Variants in USP34 observed in about 807,000 individuals in gnomAD.
USP34 encodes the protein ubiquitin carboxyl-terminal hydrolase 34.
USP34 carries 70 observed loss-of-function variants against 460.3 expected under a neutral mutation model. The ratio of observed to expected loss-of-function variants is 0.15; its 90% CI spans 0.13 to 0.19. The LOEUF (loss-of-function observed/expected upper bound fraction) is 0.19, where lower values mean the gene tolerates loss of function less well. Among genes scored for constraint, USP34 ranks in the 10% least tolerant of loss-of-function variants. The probability of loss-of-function intolerance (pLI) is 1.00; values close to 1 mark genes in which losing one functional copy is unlikely to be tolerated. For synonymous variants in USP34, 1,647 were observed against 1,405.3 expected, an observed-to-expected ratio of 1.17 and a Z score of -3.85; for missense variants, 3,985 against 4,236.2, an observed-to-expected ratio of 0.94 and a Z score of 1.65.
chr2:61,212,104 G>A (rs1327579408), intron 68 of USP34, among the ~76,000 whole-genome samples, 175 bp from the exon 69 acceptor site: 2 of 152,126 alleles, frequency 1.3e-5, no homozygotes, highest in Non-Finnish European at 1.5e-5. Context: ...ATTTTGGCTG[G>A]GCGCAGTGGC....
chr2:61,294,010 G>C (rs1689941006), intron 32 of USP34, among the ~76,000 whole-genome samples: 1 of 147,888 alleles, frequency 6.8e-6, no homozygotes, highest in South Asian at 2.2e-4. Context: ...GTGAGACCCT[G>C]TCCTAAACAA....
At chr2:61,466,807 G>A (rs1455212608) in intron 1 of USP34, among the ~76,000 whole-genome samples, 1 of 151,694 alleles carries the variant, frequency 6.6e-6, no homozygotes, top group Non-Finnish European at 1.5e-5. Flanking sequence ...AGTTACTCAG[G>A]AGGCTGAGGC....
At chr2:61,189,266 T>G in intron 78 of USP34, 197 bp from the exon 79 acceptor site, 3 of 553,930 alleles carry the variant, frequency 5.4e-6, no homozygotes, top group Non-Finnish European at 8.8e-6. Flanking sequence ...GTTGTTTTTT[T>G]TTTTTGTTTT....
At position 61,214,465 on chromosome 2, in the gene USP34, C is replaced by A. The variant is rs1687347179; in HGVS notation, c.8277G>T (p.Met2759Ile). The change falls in exon 68 of 80, where the codon ATG becomes ATT. Residue 2759 changes from methionine (M) to isoleucine (I), a missense_variant. By Grantham distance (10) the Met-to-Ile change is conservative. Around this residue, in one of 14 missense-constraint regions of USP34, gnomAD observed 604 missense variants for 684.8 expected, o/e 0.88. Coordinates refer to ENST00000398571, the MANE Select transcript of USP34 (RefSeq NM_014709.4). The part of the protein sequence containing the change: ...TTKLVPYFSF[M>I]TYCLISKTEK... ...CAGTTTTGGAAATTAAACAGTAAGTCATAAAGCTAAAATAGGGCACTAGCT... is the reference window on the plus strand; with the variant it reads ...CAGTTTTGGAAATTAAACAGTAAGTAATAAAGCTAAAATAGGGCACTAGCT... 6 of 1,614,038 alleles carry A rather than the reference C, an allele frequency of 3.7e-6. No homozygotes were observed. The highest frequency in any genetic ancestry group is 2.2e-5 in the South Asian group (2 of 91,008).
intron 50 of USP34, among the ~76,000 whole-genome samples, chr2:61,245,977 C>G (rs1688407490): frequency 1.3e-5 from 2 of 152,086 alleles, no homozygotes; most frequent in South Asian, 4.1e-4. Flanking sequence ...GCAGAGCATG[C>G]AGGTAACTTC....
chr2:61,207,648 G>A (rs1687158050), intron 70 of USP34: 2 of 151,930 alleles, frequency 1.3e-5, no homozygotes, highest in Non-Finnish European at 2.9e-5. Flanking sequence ...CACAGAGGTA[G>A]ACATTTAAAC....
At chr2:61,336,007 T>C (rs1691404172) in intron 18 of USP34, among the ~76,000 whole-genome samples, 2 of 152,148 alleles carry the variant, frequency 1.3e-5, no homozygotes, top group African/African-American at 4.8e-5. Flanking sequence ...AATCTAGGAC[T>C]CCATATTTTA....
intron 41 of USP34, among the ~76,000 whole-genome samples, chr2:61,269,774 T>A (rs995283221): frequency 7.9e-5 from 12 of 152,082 alleles, no homozygotes; most frequent in Admixed American, 5.2e-4. Context: ...GCTCCTGTTT[T>A]TACAATTATC....
At chr2:61,359,080 A>C (rs1453633408) in intron 10 of USP34, among the ~76,000 whole-genome samples, 1 of 152,232 alleles carries the variant, frequency 6.6e-6, no homozygotes, top group African/African-American at 2.4e-5. Flanking sequence ...TTTTTTACAA[A>C]ACTGGAAAAG....
intron 60 of USP34, 28 bp downstream of exon 60, chr2:61,228,799 C>A (rs1285224863): frequency 3.2e-6 from 5 of 1,583,700 alleles, no homozygotes; most frequent in Admixed American, 1.9e-5. Context: ...GGTAGATAAT[C>A]AAAAAAATAG....
chr2:61,216,050 T>C (rs1225522828), intron 67 of USP34, among the ~76,000 whole-genome samples: 1 of 152,240 alleles, frequency 6.6e-6, no homozygotes, highest in Non-Finnish European at 1.5e-5. Flanking sequence ...ATAATTTCCA[T>C]TGTATTGTCA....
chr2:61,414,400 T>C (rs13400434), intron 2 of USP34, among the ~76,000 whole-genome samples: 2,939 of 152,308 alleles, frequency 0.019, 112 homozygotes, highest in African/African-American at 0.066. Context: ...TTTCCAATTC[T>C]GTATCCAATA....
chr2:61,394,957 A>C lies in USP34; in HGVS notation c.649T>G (p.Cys217Gly), dbSNP rs1693472088. ...LHLLRYVCLFCGKNGLSLMKD... is the reference protein window; with the variant it reads ...LHLLRYVCLFGGKNGLSLMKD... ...ATGAGAGAAAGGCCATTTTTCCCAC[A>C]AAACAAACATACATAACGAAGCAAA... Residue 217 changes from cysteine (C) to glycine (G), a missense_variant, in exon 5 of 80, where the codon TGT becomes GGT. Cys to Gly is a radical substitution (Grantham distance 159). This residue lies in a region of USP34 where 331 missense variants were observed against 293.7 expected (regional missense o/e 1.13). Coordinates refer to ENST00000398571, the MANE Select transcript of USP34 (RefSeq NM_014709.4). 1 of 1,607,526 alleles carries C rather than the reference A, an allele frequency of 6.2e-7. No individual in the cohort carries two copies.
At chr2:61,359,853 C>T (rs182740493) in intron 10 of USP34, among the ~76,000 whole-genome samples, 4 of 139,708 alleles carry the variant, frequency 2.9e-5, no homozygotes, top group South Asian at 2.5e-4. Context: ...TGGGTGATCT[C>T]GGCTCACTGC....
At chr2:61,441,126 C>CAA (rs1201299279) in intron 1 of USP34, among the ~76,000 whole-genome samples, 20 of 122,146 alleles carry the variant, frequency 1.6e-4, no homozygotes, top group Non-Finnish European at 2.6e-4. Flanking sequence ...AGAGCCGCCT[C>CAA]AAAAAAAAAA....
intron 21 of USP34, among the ~76,000 whole-genome samples, chr2:61,323,148 G>C (rs1690977389): frequency 6.6e-6 from 1 of 152,162 alleles, no homozygotes; most frequent in Non-Finnish European, 1.5e-5. Context: ...GGGAAGGTAA[G>C]GCAGGAGGAT....
chr2:61,318,501 A>T (rs141005757), intron 22 of USP34, among the ~76,000 whole-genome samples: 1 of 152,164 alleles, frequency 6.6e-6, no homozygotes, highest in African/African-American at 2.4e-5. Flanking sequence ...TCATATATAT[A>T]CTCAGTTCCA....
intron 3 of USP34, among the ~76,000 whole-genome samples, chr2:61,401,921 T>G (rs781438324): frequency 1.3e-5 from 2 of 151,784 alleles, no homozygotes; most frequent in South Asian, 2.1e-4. Flanking sequence ...AATTATCTGA[T>G]TTCACAGAAT....
intron 10 of USP34, among the ~76,000 whole-genome samples, chr2:61,359,993 C>T (rs934088082): frequency 6.6e-6 from 1 of 152,028 alleles, no homozygotes; most frequent in African/African-American, 2.4e-5. Context: ...CTATGTTGGC[C>T]AGGCTGGTCT....
Sources: gnomAD v4.1 joint callset for allele counts (sites outside exome capture counted in the v4.1 genomes callset) on GRCh38, gnomAD v4.1.1 for gene constraint, gnomAD v4.1.1 regional missense constraint, MANE v1.5 for transcripts, NCBI Gene and HGNC (gene_info 2026-07-23, HGNC 2026-07-21) for gene names.